Variants in CTSC observed in about 807,000 individuals in gnomAD.
The protein encoded by CTSC is cathepsin C, also known as dipeptidyl peptidase 1.
CTSC carries 37 observed loss-of-function variants against 40.9 expected under a neutral mutation model. The ratio of observed to expected loss-of-function variants is 0.91; its 90% CI spans 0.70 to 1.19. The LOEUF (loss-of-function observed/expected upper bound fraction) is 1.19, where lower values mean the gene tolerates loss of function less well. CTSC is among the 50% of genes most tolerant of loss of function. The pLI is 0.00. For synonymous variants in CTSC, 232 were observed against 207.4 expected, an observed-to-expected ratio of 1.12 and a Z score of -1.02; for missense variants, 594 against 567.3, an observed-to-expected ratio of 1.05 and a Z score of -0.48.
At chr11:88,315,122 T>C (rs928086141) in intron 2 of CTSC, among the ~76,000 whole-genome samples, 1 of 152,202 alleles carries the variant, frequency 6.6e-6, no homozygotes, top group African/African-American at 2.4e-5. Context: ...AGTTGTATTA[T>C]GTACTTCTCT....
intron 2 of CTSC, among the ~76,000 whole-genome samples, chr11:88,313,320 G>A (rs377153560): frequency 3.3e-5 from 5 of 152,018 alleles, no homozygotes; most frequent in African/African-American, 4.8e-5. Context: ...CACCCACCTC[G>A]GCCTCCCAAA....
chr11:88,330,386 A>G (rs926322828), intron 2 of CTSC, among the ~76,000 whole-genome samples: 4 of 151,908 alleles, frequency 2.6e-5, no homozygotes, highest in Non-Finnish European at 5.9e-5. Flanking sequence ...TTATTTTGAG[A>G]CACCCAGGCT....
intron 4 of CTSC, among the ~76,000 whole-genome samples, chr11:88,304,446 T>C (rs1937612431): frequency 6.6e-6 from 1 of 152,174 alleles, no homozygotes; most frequent in African/African-American, 2.4e-5. Flanking sequence ...TTTTCTACCA[T>C]CCTATAAGGC....
At chr11:88,324,472 C>A in intron 2 of CTSC, 2 of 981,358 alleles carry the variant, frequency 2.0e-6, no homozygotes, top group Non-Finnish European at 2.4e-6. Flanking sequence ...GTATATGGCA[C>A]CATTCCTGAT....
At chr11:88,312,027 C>A (rs1405403347) in intron 3 of CTSC, among the ~76,000 whole-genome samples, 1 of 152,202 alleles carries the variant, frequency 6.6e-6, no homozygotes, top group East Asian at 1.9e-4. Context: ...TTAAAAGTTG[C>A]CCAATTAGTA....
At chr11:88,329,877 C>T (rs1353222060) in intron 2 of CTSC, among the ~76,000 whole-genome samples, 4 of 152,132 alleles carry the variant, frequency 2.6e-5, no homozygotes, top group Non-Finnish European at 5.9e-5. Flanking sequence ...CAGGCGTGCG[C>T]TGCTATGCCT....
intron 3 of CTSC, among the ~76,000 whole-genome samples, chr11:88,311,700 A>T (rs1219350744): frequency 6.6e-6 from 1 of 152,238 alleles, no homozygotes; most frequent in East Asian, 1.9e-4. Flanking sequence ...TAAAGAGGTC[A>T]TTAAGGTAAA....
intron 4 of CTSC, among the ~76,000 whole-genome samples, chr11:88,306,317 A>G (rs1049274955): frequency 2.0e-5 from 3 of 152,212 alleles, no homozygotes; most frequent in African/African-American, 7.2e-5. Context: ...AATACTGGGT[A>G]GAAGAGGGTG....
intron 3 of CTSC, among the ~76,000 whole-genome samples, chr11:88,310,639 T>G (rs1937734077): frequency 6.6e-6 from 1 of 152,150 alleles, no homozygotes; most frequent in Non-Finnish European, 1.5e-5. Flanking sequence ...TTGATAATGT[T>G]TTAATGTTTT....
In CTSC at chr11:88,337,651, GC is replaced by G; in HGVS notation, c.21del (p.Leu7PhefsTer58). 6.3e-7 allele frequency: 1 copy of G among 1,581,432 alleles called. No homozygotes were observed. The highest frequency in any genetic ancestry group is 1.2e-5 in the South Asian group (1 of 86,642). Reference protein sequence around the residue: MGAGPSLLLAALLLLLS... With the variant: MGAGPSXLLAALLLLLS... ...AGAAGCAGCAGGAGGGCGGCGAGCA[GC>G]AAGGAGGGCCCAGCACCCATGCTGC... On this transcript the variant is annotated frameshift_variant, in exon 1 of 7. Coordinates refer to ENST00000227266, the MANE Select transcript of CTSC (RefSeq NM_001814.6). LOFTEE classifies it high-confidence loss of function.
At chr11:88,309,420 A>C in intron 3 of CTSC, 102 bp from the exon 4 acceptor site, 1 of 1,000,808 alleles carries the variant, frequency 1.0e-6, no homozygotes, top group Non-Finnish European at 1.6e-6. Context: ...AAAGTGGTAC[A>C]ATCTTTCAGG....
intron 2 of CTSC, among the ~76,000 whole-genome samples, chr11:88,318,074 T>C (rs1408969815): frequency 6.6e-6 from 1 of 152,232 alleles, no homozygotes; most frequent in African/African-American, 2.4e-5. Context: ...GTTATTTATC[T>C]TGGATCTTTT....
Position 88,319,914 on chromosome 11 carries a change from A to C in CTSC, c.319-7360T>G, listed in dbSNP as rs1374680460. ...ATTCCAGCAACATTAAAAAACAAAA[A>C]ATGTTTCCATTTTTGCCCTTTGTTT... On this transcript the variant is annotated intron_variant, in intron 2 of 6. Coordinates refer to ENST00000227266, the MANE Select transcript of CTSC (RefSeq NM_001814.6). Among the ~76,000 whole-genome samples the C allele has an allele frequency of 2.0e-5, 3 of 152,186 alleles. No individual in the cohort carries two copies. In the East Asian group the frequency reaches 5.8e-4, roughly 29 times the overall value.
intron 2 of CTSC, among the ~76,000 whole-genome samples, chr11:88,330,363 TTTA>T (rs927481084): frequency 2.6e-5 from 4 of 151,956 alleles, no homozygotes; most frequent in African/African-American, 7.3e-5. Context: ...CTTTCATTTT[TTTA>T]TTATTATTAT....
intron 2 of CTSC, among the ~76,000 whole-genome samples, chr11:88,319,401 T>C (rs192494170): frequency 3.5e-4 from 54 of 152,266 alleles, no homozygotes; most frequent in East Asian, 3.9e-4. Context: ...TACCAATTGA[T>C]AATTATTCTA....
intron 2 of CTSC, chr11:88,326,427 G>A (rs772269849): frequency 6.2e-7 from 1 of 1,612,214 alleles, no homozygotes; most frequent in East Asian, 2.2e-5. Context: ...TCCCTCAACA[G>A]ATGCTCTATT....
At chr11:88,299,794 A>G (rs1382772340) in intron 5 of CTSC, 2 of 152,246 alleles carry the variant, frequency 1.3e-5, no homozygotes, top group African/African-American at 2.4e-5. Flanking sequence ...AGAAGTAATA[A>G]AACTGAGTAT....
intron 4 of CTSC, among the ~76,000 whole-genome samples, chr11:88,304,612 C>G (rs908756077): frequency 5.9e-5 from 9 of 152,124 alleles, no homozygotes; most frequent in African/African-American, 2.2e-4. Flanking sequence ...CATTCCCAGA[C>G]AGTTAAGGCA....
chr11:88,303,671 T>C (rs217120), intron 4 of CTSC, among the ~76,000 whole-genome samples: 65,441 of 152,040 alleles, frequency 0.43, 15,806 homozygotes, highest in East Asian at 0.67. Flanking sequence ...GAGCCTTATA[T>C]GGGGACTTCA....
Sources: gnomAD v4.1 joint callset for allele counts (sites outside exome capture counted in the v4.1 genomes callset) on GRCh38, gnomAD v4.1.1 for gene constraint, MANE v1.5 for transcripts, NCBI Gene and HGNC (gene_info 2026-07-23, HGNC 2026-07-21) for gene names.